NOVA1: variants seen among roughly 807,000 people sequenced by gnomAD.
NOVA1 encodes RNA-binding protein Nova-1.
In NOVA1, 7 loss-of-function variants were observed where a neutral mutation model predicts 38.0. The ratio of observed to expected loss-of-function variants is 0.18; its 90% CI spans 0.10 to 0.35. The LOEUF (loss-of-function observed/expected upper bound fraction) is 0.35, where lower values mean the gene tolerates loss of function less well. Ranked by LOEUF, NOVA1 falls within the 10% of genes least tolerant of loss-of-function variation. The pLI is 1.00. For missense variants in NOVA1, 460 were observed against 616.0 expected (o/e 0.75, Z 2.68); for synonymous variants, 270 against 232.5 (o/e 1.16, Z -1.47).
chr14:26,470,524 G>A, intron 4 of NOVA1: 1 of 1,391,470 alleles, frequency 7.2e-7, no homozygotes, highest in Non-Finnish European at 1.0e-6. Context: ...CAGAGTATAA[G>A]TAACAATATA....
At chr14:26,490,035 C>G (rs1442381227) in intron 2 of NOVA1, among the ~76,000 whole-genome samples, 1 of 152,124 alleles carries the variant, frequency 6.6e-6, no homozygotes, top group African/African-American at 2.4e-5. Context: ...CTTCCTATAT[C>G]CCCCAGTTAC....
intron 2 of NOVA1, among the ~76,000 whole-genome samples, chr14:26,537,385 G>A (rs996364583): frequency 6.6e-6 from 1 of 151,978 alleles, no homozygotes; most frequent in Non-Finnish European, 1.5e-5. Context: ...AAAAATAAAT[G>A]ATAACTCTAT....
chr14:26,505,589 C>T (rs1409001825), intron 2 of NOVA1, among the ~76,000 whole-genome samples: 2 of 152,148 alleles, frequency 1.3e-5, no homozygotes, highest in African/African-American at 4.8e-5. Flanking sequence ...ACTAACACAA[C>T]ACCTTTCCTT....
At chr14:26,492,421 T>C (rs1276181800) in intron 2 of NOVA1, among the ~76,000 whole-genome samples, 1 of 152,214 alleles carries the variant, frequency 6.6e-6, no homozygotes, top group Non-Finnish European at 1.5e-5. Context: ...AAAGCAGGCA[T>C]CCATGTCTTG....
intron 4 of NOVA1, chr14:26,472,099 G>C (rs1884628227): frequency 2.2e-6 from 1 of 459,108 alleles, no homozygotes; most frequent in African/African-American, 2.0e-5. Flanking sequence ...TAAAAAATTA[G>C]AGTAGTTTAA....
At chr14:26,471,308 T>C (rs921563293) in intron 4 of NOVA1, among the ~76,000 whole-genome samples, 1 of 152,000 alleles carries the variant, frequency 6.6e-6, no homozygotes, top group Admixed American at 6.6e-5. Flanking sequence ...TAGTCTTATA[T>C]TAGATAATAC....
Position 26,597,564 on chromosome 14 carries a change from T to C in NOVA1, c.-128A>G. The C allele has an allele frequency of 8.5e-7, 1 of 1,182,664 alleles. No individual in the cohort carries two copies. Among genetic ancestry groups the C allele is most frequent in the African/African-American group, 1.6e-5 (1 of 60,780 alleles). 73.3% of individuals were successfully genotyped at this position (1,182,664 alleles called of 1,614,324 possible). A position where few individuals can be genotyped will look rare whatever the true frequency, so the allele number is the denominator to read the frequency against. ...GTTTCTTAAGGTTTTTTTTTTTTAA[T>C]CGGATCAATATAAATCTCTTTAGGA... On this transcript the variant is annotated 5_prime_UTR_variant, in exon 1 of 5. Transcript: ENST00000539517.
At chr14:26,452,703 GGTATAACAT>G (rs1448206279) in intron 4 of NOVA1, among the ~76,000 whole-genome samples, 2 of 152,076 alleles carry the variant, frequency 1.3e-5, no homozygotes, top group African/African-American at 4.8e-5. Context: ...CCAATTATTT[GGTATAACAT>G]GTATAAAACT....
chr14:26,533,246 T>A (rs1297061979), intron 2 of NOVA1, among the ~76,000 whole-genome samples: 2 of 152,196 alleles, frequency 1.3e-5, no homozygotes, highest in Non-Finnish European at 2.9e-5. Flanking sequence ...AGCATTTGTT[T>A]ATATATAGTC....
At chr14:26,556,549 T>A (rs1420388641) in intron 2 of NOVA1, among the ~76,000 whole-genome samples, 1 of 152,126 alleles carries the variant, frequency 6.6e-6, no homozygotes. Context: ...ACTCTACAAC[T>A]CCTAGAAGAT....
rs964165426 is a variant in NOVA1 at position 26,597,455 on chromosome 14, T to G, written c.-19A>C. 7.8e-6 allele frequency: 10 copies of G among 1,284,540 alleles called. No individual in the cohort carries two copies. The highest frequency in any genetic ancestry group is 9.9e-6 in the Non-Finnish European group (10 of 1,008,634). The allele number at this position is 1,284,540 out of a possible 1,614,324, so 79.6% of individuals were successfully genotyped here. A position where few individuals can be genotyped will look rare whatever the true frequency, so the allele number is the denominator to read the frequency against. On this transcript the variant is annotated 5_prime_UTR_variant, in exon 1 of 5. Coordinates refer to ENST00000539517, the MANE Select transcript of NOVA1 (RefSeq NM_002515.3). ...CCATCATGTTTGCAGTTCCTGCCGC[T>G]GCTACCGGGAGAAGGTTCTCCCTTT...
At chr14:26,582,185 C>T (rs973639135) in intron 2 of NOVA1, among the ~76,000 whole-genome samples, 4 of 151,710 alleles carry the variant, frequency 2.6e-5, no homozygotes, top group Non-Finnish European at 5.9e-5. Context: ...ATTTCCCAAA[C>T]CCGAAATTGT....
intron 2 of NOVA1, among the ~76,000 whole-genome samples, chr14:26,503,140 G>A (rs952162947): frequency 7.2e-5 from 11 of 151,922 alleles, no homozygotes; most frequent in African/African-American, 2.7e-4. Context: ...CGATGAAACT[G>A]GGGAAACTTG....
At chr14:26,555,878 T>C (rs1483130210) in intron 2 of NOVA1, among the ~76,000 whole-genome samples, 1 of 152,164 alleles carries the variant, frequency 6.6e-6, no homozygotes, top group Non-Finnish European at 1.5e-5. Context: ...ATGTTAACGT[T>C]TCTTACAATT....
chr14:26,585,386 A>C (rs1006984656), intron 2 of NOVA1, among the ~76,000 whole-genome samples: 2 of 151,374 alleles, frequency 1.3e-5, no homozygotes, highest in Non-Finnish European at 3.0e-5. Flanking sequence ...TTAGAAAAGT[A>C]AATTGTCCAG....
intron 2 of NOVA1, among the ~76,000 whole-genome samples, chr14:26,495,537 G>A (rs1394772294): frequency 6.6e-6 from 1 of 152,004 alleles, no homozygotes; most frequent in East Asian, 1.9e-4. Context: ...GGGTAGATGT[G>A]CACAATGTGC....
intron 2 of NOVA1, among the ~76,000 whole-genome samples, chr14:26,562,922 G>A (rs73601969): frequency 0.048 from 7,345 of 152,020 alleles, 542 homozygotes; most frequent in African/African-American, 0.16. Context: ...GGACAGAAGC[G>A]GTTCCTAAAT....
At chr14:26,565,514 A>G (rs1298083928) in intron 2 of NOVA1, among the ~76,000 whole-genome samples, 3 of 152,086 alleles carry the variant, frequency 2.0e-5, no homozygotes, top group Non-Finnish European at 1.5e-5. Flanking sequence ...TTGTGTATGC[A>G]GTCTGTCATT....
At chr14:26,510,526 AG>A (rs2138449737) in intron 2 of NOVA1, among the ~76,000 whole-genome samples, 1 of 152,330 alleles carries the variant, frequency 6.6e-6, no homozygotes, top group Admixed American at 6.5e-5. Flanking sequence ...CTCTTTTAAA[AG>A]GCTCCCACAT....
Sources: allele counts gnomAD v4.1 joint callset (sites outside exome capture counted in the v4.1 genomes callset), GRCh38; gene constraint gnomAD v4.1.1; transcripts MANE v1.5; gene names NCBI Gene and HGNC (gene_info 2026-07-23, HGNC 2026-07-21).